SGCZ: variants seen among roughly 807,000 people sequenced by gnomAD.
SGCZ encodes the protein sarcoglycan zeta, also known as zeta-sarcoglycan.
A neutral mutation model predicts 41.3 loss-of-function variants in SGCZ; 40 were observed. That is an observed-to-expected ratio of 0.97 (90% CI 0.75 to 1.26). SGCZ has a LOEUF of 1.26. SGCZ is among the 50% of genes most tolerant of loss of function. The probability of loss-of-function intolerance (pLI) is 0.00; values close to 1 mark genes in which losing one functional copy is unlikely to be tolerated. For missense variants in SGCZ, 552 were observed against 369.8 expected (o/e 1.49, Z -4.04); for synonymous variants, 206 against 137.5 (o/e 1.50, Z -3.49).
intron 1 of SGCZ, among the ~76,000 whole-genome samples, chr8:14,891,618 C>G (rs763486667): frequency 6.6e-6 from 1 of 152,166 alleles, no homozygotes; most frequent in Non-Finnish European, 1.5e-5. Flanking sequence ...ATTCCACAAA[C>G]TTAGCTGATA....
At chr8:14,252,879 C>G (rs2117211078) in intron 3 of SGCZ, among the ~76,000 whole-genome samples, 1 of 152,250 alleles carries the variant, frequency 6.6e-6, no homozygotes. Flanking sequence ...TTTACTTCAC[C>G]ATACTGGCTT....
intron 3 of SGCZ, among the ~76,000 whole-genome samples, chr8:14,243,851 T>C (rs1025693568): frequency 2.0e-5 from 3 of 152,172 alleles, no homozygotes. Flanking sequence ...TCGATCACAG[T>C]ACTCGTTGTA....
chr8:14,192,638 T>C (rs1359067188), intron 4 of SGCZ, among the ~76,000 whole-genome samples: 1 of 151,850 alleles, frequency 6.6e-6, no homozygotes, highest in African/African-American at 2.4e-5. Context: ...TCAGCCTTCA[T>C]CTTCATTAAT....
At chr8:14,852,136 T>G (rs997442388) in intron 1 of SGCZ, among the ~76,000 whole-genome samples, 1 of 152,146 alleles carries the variant, frequency 6.6e-6, no homozygotes, top group African/African-American at 2.4e-5. Flanking sequence ...AGGCAATGCT[T>G]TAAGACTTCT....
At chr8:14,258,405 G>A (rs142791017) in intron 3 of SGCZ, among the ~76,000 whole-genome samples, 50 of 152,178 alleles carry the variant, frequency 3.3e-4, no homozygotes, top group Admixed American at 6.5e-4. Context: ...CCTACTGGAG[G>A]ATTCATGGAA....
chr8:14,766,504 T>C (rs11783419), intron 1 of SGCZ, among the ~76,000 whole-genome samples: 53,782 of 151,828 alleles, frequency 0.35, 11,412 homozygotes, highest in East Asian at 0.5. Flanking sequence ...CAGATGTTTG[T>C]TTAATCAAAA....
chr8:15,202,816 T>C (rs569686666), intron 1 of SGCZ, among the ~76,000 whole-genome samples: 35 of 152,090 alleles, frequency 2.3e-4, no homozygotes, highest in Non-Finnish European at 3.5e-4. Flanking sequence ...AAAAGCTAGG[T>C]TAAGACAAAC....
At chr8:14,665,435 CAA>C (rs1807879999) in intron 1 of SGCZ, among the ~76,000 whole-genome samples, 1 of 152,106 alleles carries the variant, frequency 6.6e-6, no homozygotes, top group East Asian at 1.9e-4. Context: ...GGCTTGGTTC[CAA>C]GTCTTTGCTA....
intron 3 of SGCZ, among the ~76,000 whole-genome samples, chr8:14,320,581 G>C (rs774670280): frequency 2.0e-5 from 3 of 152,040 alleles, no homozygotes; most frequent in Non-Finnish European, 2.9e-5. Flanking sequence ...ACAAGGTGCA[G>C]AACTGGTGGA....
intron 4 of SGCZ, among the ~76,000 whole-genome samples, chr8:14,206,705 T>G (rs1186579069): frequency 6.6e-6 from 1 of 152,204 alleles, no homozygotes; most frequent in Non-Finnish European, 1.5e-5. Context: ...CTCTCCCTAC[T>G]GTATCCTGCT....
chr8:14,977,252 CTT>C (rs1327347754), intron 1 of SGCZ, among the ~76,000 whole-genome samples: 2 of 152,184 alleles, frequency 1.3e-5, no homozygotes, highest in African/African-American at 4.8e-5. Flanking sequence ...CCACAGATCT[CTT>C]TACCGGTGAG....
intron 1 of SGCZ, among the ~76,000 whole-genome samples, chr8:14,693,292 C>T (rs1350744883): frequency 3.2e-5 from 2 of 62,822 alleles, no homozygotes; most frequent in South Asian, 5.8e-4. Context: ...TAATTGAATA[C>T]CTTTTTTTTT....
chr8:14,146,280 A>G (rs1803517706), intron 5 of SGCZ, among the ~76,000 whole-genome samples: 1 of 152,192 alleles, frequency 6.6e-6, no homozygotes, highest in African/African-American at 2.4e-5. Context: ...AGAGAGTGGT[A>G]TGACATATCT....
intron 1 of SGCZ, among the ~76,000 whole-genome samples, chr8:15,059,400 T>C (rs980219829): frequency 5.9e-5 from 9 of 152,204 alleles, no homozygotes; most frequent in African/African-American, 2.2e-4. Context: ...GTTTACTTTT[T>C]AGTGAATAAA....
At position 14,620,430 on chromosome 8, in the gene SGCZ, T is replaced by C. The variant is rs536619048; in HGVS notation, c.40-65504A>G. Among the ~76,000 whole-genome samples, 13 of 152,154 alleles carry C rather than the reference T, an allele frequency of 8.5e-5. No homozygotes were observed. In the East Asian group the frequency reaches 2.5e-3, roughly 29 times the overall value. ...AAAGCAATGGCAACAAAAGCCAAAA[T>C]TGACAAATGGGATCTAATTAAACTA... is the stretch of plus-strand genomic sequence containing the variant. On this transcript the variant is annotated intron_variant, in intron 1 of 7. Coordinates refer to ENST00000382080, the MANE Select transcript of SGCZ (RefSeq NM_139167.4).
intron 5 of SGCZ, among the ~76,000 whole-genome samples, chr8:14,145,235 C>CT (rs751226525): frequency 6.8e-4 from 101 of 149,100 alleles, no homozygotes; most frequent in African/African-American, 1.5e-3. Context: ...CAGAGAGAAT[C>CT]TTTTTTTTTT....
At chr8:14,614,595 C>T (rs573338093) in intron 1 of SGCZ, among the ~76,000 whole-genome samples, 5 of 152,242 alleles carry the variant, frequency 3.3e-5, no homozygotes, top group African/African-American at 1.2e-4. Context: ...ATTCAAACTG[C>T]AAATTTGTCT....
chr8:14,433,585 C>T (rs1223042610), intron 2 of SGCZ, among the ~76,000 whole-genome samples: 2 of 152,152 alleles, frequency 1.3e-5, no homozygotes, highest in African/African-American at 4.8e-5. Flanking sequence ...TTATGATCTT[C>T]CATCATTGCA....
chr8:14,819,730 T>C (rs1411965176), intron 1 of SGCZ, among the ~76,000 whole-genome samples: 1 of 152,134 alleles, frequency 6.6e-6, no homozygotes, highest in Admixed American at 6.5e-5. Flanking sequence ...ATATTCATTG[T>C]AGAGAAGAGG....
Sources: gnomAD v4.1 joint callset for allele counts (sites outside exome capture counted in the v4.1 genomes callset) on GRCh38, gnomAD v4.1.1 for gene constraint, MANE v1.5 for transcripts, NCBI Gene and HGNC (gene_info 2026-07-23, HGNC 2026-07-21) for gene names.